NUP153: variants seen among roughly 807,000 people sequenced by gnomAD.
NUP153 encodes nuclear pore complex protein Nup153.
In NUP153, 27 loss-of-function variants were observed where a neutral mutation model predicts 134.6. The observed-to-expected ratio is 0.20, with a 90% confidence interval of 0.15 to 0.28. NUP153 has a LOEUF of 0.28. NUP153 is among the 10% of genes least tolerant of loss of function. The pLI is 1.00. For synonymous variants in NUP153, 640 were observed against 623.5 expected (o/e 1.03, Z -0.40); for missense variants, 1,821 against 1,731.3 (o/e 1.05, Z -0.92).
At chr6:17,655,099 T>C (rs1439418212) in intron 11 of NUP153, among the ~76,000 whole-genome samples, 1 of 152,200 alleles carries the variant, frequency 6.6e-6, no homozygotes, top group African/African-American at 2.4e-5. Context: ...TGTATACTGC[T>C]ACATGTTTTG....
chr6:17,701,388 G>C (rs576189964), intron 1 of NUP153, among the ~76,000 whole-genome samples: 59 of 152,196 alleles, frequency 3.9e-4, no homozygotes, highest in African/African-American at 1.4e-3. Flanking sequence ...ATTAGGCCGA[G>C]TGTGGTAGCT....
intron 2 of NUP153, among the ~76,000 whole-genome samples, chr6:17,687,632 C>T (rs1304504193): frequency 1.3e-5 from 2 of 152,058 alleles, no homozygotes; most frequent in African/African-American, 2.4e-5. Flanking sequence ...GGAGATGTTA[C>T]TAAGTACACC....
chr6:17,696,265 T>TA (rs1254333584), intron 1 of NUP153, among the ~76,000 whole-genome samples: 1 of 151,416 alleles, frequency 6.6e-6, no homozygotes, highest in Non-Finnish European at 1.5e-5. Context: ...CAAATAAGAG[T>TA]AAAAAGAGTC....
Position 17,626,250 on chromosome 6 carries a change from T to C in NUP153, c.3545-86A>G, listed in dbSNP as rs193068881. On this transcript the variant is annotated intron_variant, in intron 18 of 21. Transcript: ENST00000262077. ...TTTCCTACCCTACAATTGCTAGAAT[T>C]TTCCTACCCTAGAATTCGCTAGAAA... 2.3e-4 allele frequency: 224 copies of C among 966,520 alleles called. No individual in the cohort carries two copies. In the African/African-American group the frequency reaches 3.0e-3, roughly 13 times the overall value. 59.9% of individuals were successfully genotyped at this position (966,520 alleles called of 1,614,324 possible). A position where few individuals can be genotyped will look rare whatever the true frequency, so the allele number is the denominator to read the frequency against.
Position 17,638,587 on chromosome 6 carries a change from A to T in NUP153, c.1847-817T>A, listed in dbSNP as rs969724120. Among the ~76,000 whole-genome samples, 1 of 152,230 alleles carries T rather than the reference A, an allele frequency of 6.6e-6. No individual in the cohort carries two copies. Among genetic ancestry groups the T allele is most frequent in the Admixed American group, 6.5e-5 (1 of 15,284 alleles). ...TGCTTATGATTAATTTAAATCACTA[A>T]GATTGGCAAGATATTAACAGTAACC... On this transcript the variant is annotated intron_variant, in intron 15 of 21. Coordinates refer to ENST00000262077, the MANE Select transcript of NUP153 (RefSeq NM_005124.4). The surrounding 1 kb of genome is among the most constrained non-coding windows in gnomAD (Gnocchi z 4.0).
intron 1 of NUP153, among the ~76,000 whole-genome samples, chr6:17,702,624 C>T (rs143566917): frequency 2.6e-5 from 4 of 151,376 alleles, no homozygotes; most frequent in South Asian, 2.1e-4. Context: ...TGCACTGAGC[C>T]GAGATTGCAC....
At chr6:17,699,046 T>G (rs752076075) in intron 1 of NUP153, among the ~76,000 whole-genome samples, 1 of 152,140 alleles carries the variant, frequency 6.6e-6, no homozygotes, top group Non-Finnish European at 1.5e-5. Flanking sequence ...CTGAAATATC[T>G]ATAGATAGAA....
intron 1 of NUP153, among the ~76,000 whole-genome samples, chr6:17,690,359 G>A (rs1349239230): frequency 6.7e-6 from 1 of 149,694 alleles, no homozygotes; most frequent in African/African-American, 2.4e-5. Flanking sequence ...TCTCCTGGGC[G>A]ACAGAGCGAG....
At chr6:17,694,614 G>A (rs775621293) in intron 1 of NUP153, among the ~76,000 whole-genome samples, 81 of 152,076 alleles carry the variant, frequency 5.3e-4, no homozygotes, top group African/African-American at 1.8e-3. Flanking sequence ...CCAAGATCGC[G>A]CCATTGCACT....
At chr6:17,651,128 G>A (rs567293490) in intron 11 of NUP153, among the ~76,000 whole-genome samples, 5 of 152,038 alleles carry the variant, frequency 3.3e-5, no homozygotes, top group East Asian at 3.9e-4. Context: ...GCAAGACCCC[G>A]TCTCTATAAA....
chr6:17,698,267 C>A (rs1472537190), intron 1 of NUP153, among the ~76,000 whole-genome samples: 2 of 152,144 alleles, frequency 1.3e-5, no homozygotes, highest in Non-Finnish European at 2.9e-5. Flanking sequence ...CCAATAATGT[C>A]TTAGATTTGG....
Position 17,647,961 on chromosome 6 carries a change from G to A in NUP153, c.1534-56C>T. On this transcript the variant is annotated intron_variant, in intron 12 of 21. Transcript: ENST00000262077. ...AAAAAGAGCTTTTTAGAAAAATAAAGTGACAAAAAAGACATTAAGCAAACT... is the reference window on the plus strand; with the variant it reads ...AAAAAGAGCTTTTTAGAAAAATAAAATGACAAAAAAGACATTAAGCAAACT... The A allele has an allele frequency of 5.3e-6, 6 of 1,139,766 alleles. No individual in the cohort carries two copies. The Admixed American group carries it at 9.6e-5, about 18-fold the overall frequency. The allele number at this position is 1,139,766 out of a possible 1,614,324, so 70.6% of individuals were successfully genotyped here. A position where few individuals can be genotyped will look rare whatever the true frequency, so the allele number is the denominator to read the frequency against.
intron 20 of NUP153, among the ~76,000 whole-genome samples, chr6:17,623,131 A>C (rs1372543451): frequency 6.8e-6 from 1 of 147,074 alleles, no homozygotes; most frequent in Admixed American, 6.8e-5. Flanking sequence ...TTCTGTCTCA[A>C]AAAAAAAAAA....
rs1418141037 is a variant in NUP153 at position 17,625,106 on chromosome 6, C to T, written c.3902-273G>A. Among the ~76,000 whole-genome samples the T allele has an allele frequency of 6.6e-6, 1 of 152,318 alleles. No homozygotes were observed. Among genetic ancestry groups the T allele is most frequent in the South Asian group, 2.1e-4 (1 of 4,828 alleles). On this transcript the variant is annotated intron_variant, in intron 19 of 21. Coordinates refer to ENST00000262077, the MANE Select transcript of NUP153 (RefSeq NM_005124.4). The surrounding 1 kb of genome is among the most constrained non-coding windows in gnomAD (Gnocchi z 4.7). ...GACAATTTCTGGTAAAGGAACATATCTCAGAATAATCTCCCACCAGAAATT... is the reference window on the plus strand; with the variant it reads ...GACAATTTCTGGTAAAGGAACATATTTCAGAATAATCTCCCACCAGAAATT...
chr6:17,690,276 C>T (rs1373356909), intron 1 of NUP153, among the ~76,000 whole-genome samples: 1 of 151,968 alleles, frequency 6.6e-6, no homozygotes, highest in East Asian at 1.9e-4. Flanking sequence ...GGCGTGAACC[C>T]GGGTGGCGTA....
rs562527629 is a variant in NUP153 at position 17,637,164 on chromosome 6, G to A, written c.2453C>T (p.Ser818Phe). 6.2e-7 allele frequency: 1 copy of A among 1,603,316 alleles called. No individual in the cohort carries two copies. Among genetic ancestry groups the A allele is most frequent in the African/African-American group, 1.3e-5 (1 of 74,798 alleles). The change falls in exon 16 of 22, where the codon TCT becomes TTT. Residue 818 changes from serine (S) to phenylalanine (F), a missense_variant. By Grantham distance (155) the Ser-to-Phe change is radical. Coordinates refer to ENST00000262077, the MANE Select transcript of NUP153 (RefSeq NM_005124.4). Reference protein sequence around the residue: ...AEDNKCVSCMSEKPGSSVPAS... With the variant: ...AEDNKCVSCMFEKPGSSVPAS... The stretch of plus-strand genomic sequence containing the variant: ...AGCCAAAAACATACCTGGTTTCTCA[G>A]ACATACAGGACACACACTTATTGTC...
At chr6:17,671,380 A>AT (rs1401826342) in intron 5 of NUP153, among the ~76,000 whole-genome samples, 1 of 152,052 alleles carries the variant, frequency 6.6e-6, no homozygotes, top group Non-Finnish European at 1.5e-5. Context: ...TAGAATTGGT[A>AT]TTATTTCTTT....
intron 8 of NUP153, among the ~76,000 whole-genome samples, chr6:17,665,925 G>A (rs1203582513): frequency 1.3e-5 from 2 of 151,314 alleles, no homozygotes; most frequent in East Asian, 3.9e-4. Context: ...CTGGGCTCAA[G>A]CAATCTGCCT....
chr6:17,702,334 C>T (rs575643562), intron 1 of NUP153, among the ~76,000 whole-genome samples: 22 of 152,198 alleles, frequency 1.4e-4, no homozygotes, highest in Middle Eastern at 6.8e-3. Flanking sequence ...GGTGAAACCC[C>T]GTCTCTGCTA....
Sources: gnomAD v4.1 joint callset for allele counts (sites outside exome capture counted in the v4.1 genomes callset) on GRCh38, gnomAD v4.1.1 for gene constraint, Gnocchi (gnomAD v3.1) non-coding constraint, MANE v1.5 for transcripts, NCBI Gene and HGNC (gene_info 2026-07-23, HGNC 2026-07-21) for gene names.